Variants in TBC1D5 observed in about 807,000 individuals in gnomAD.
The protein encoded by TBC1D5 is TBC1 domain family, member 5.
TBC1D5 carries 75 observed loss-of-function variants against 100.3 expected under a neutral mutation model. That is an observed-to-expected ratio of 0.75 (90% CI 0.62 to 0.91). TBC1D5 has a LOEUF of 0.91. TBC1D5 is among the 40% of genes least tolerant of loss of function. TBC1D5 has a pLI of 0.00. For synonymous variants in TBC1D5, 323 were observed against 325.6 expected (o/e 0.99, Z 0.09); for missense variants, 910 against 942.4 (o/e 0.97, Z 0.45).
Position 17,645,507 on chromosome 3 carries a change from C to A in TBC1D5, c.-100-21594G>T, listed in dbSNP as rs538136576. ...AACTAAATCCACTATCCAGACATTA[C>A]TAGAATTGACATTTAGAGTAAAGGA... is the stretch of plus-strand genomic sequence containing the variant. On this transcript the variant is annotated intron_variant, in intron 1 of 21. Coordinates refer to ENST00000253692, the Ensembl canonical transcript of TBC1D5. Among the ~76,000 whole-genome samples, 368 of 152,220 alleles carry A rather than the reference C, an allele frequency of 2.4e-3. 2 individuals carry two copies. Among genetic ancestry groups the A allele is most frequent in the South Asian group, 3.5e-3 (17 of 4,828 alleles).
At chr3:17,398,655 C>A (rs1251609667) in intron 8 of TBC1D5, among the ~76,000 whole-genome samples, 1 of 152,056 alleles carries the variant, frequency 6.6e-6, no homozygotes, top group Non-Finnish European at 1.5e-5. Context: ...AAAGGGTTTA[C>A]TACTAGGTTT....
At chr3:17,490,607 T>C (rs1560006822) in intron 3 of TBC1D5, among the ~76,000 whole-genome samples, 1 of 151,916 alleles carries the variant, frequency 6.6e-6, no homozygotes, top group Non-Finnish European at 1.5e-5. Flanking sequence ...CTTGTTTTTT[T>C]CAACAATAAT....
intron 3 of TBC1D5, among the ~76,000 whole-genome samples, chr3:17,494,221 C>T (rs985067916): frequency 6.6e-6 from 1 of 152,144 alleles, no homozygotes; most frequent in East Asian, 1.9e-4. Context: ...GGGTCACCCC[C>T]CAACCCGGCA....
chr3:17,719,028 G>A (rs562408879), intron 1 of TBC1D5, among the ~76,000 whole-genome samples: 2 of 151,992 alleles, frequency 1.3e-5, no homozygotes, highest in South Asian at 4.2e-4. Flanking sequence ...ATCAAGTATT[G>A]AAATTTTAAA....
chr3:17,665,911 G>C (rs1217601983), intron 1 of TBC1D5, among the ~76,000 whole-genome samples: 1 of 152,124 alleles, frequency 6.6e-6, no homozygotes, highest in East Asian at 1.9e-4. Context: ...TTTTGTGTGT[G>C]TGACCCTTTA....
intron 17 of TBC1D5, among the ~76,000 whole-genome samples, chr3:17,224,233 T>C (rs2074599897): frequency 6.6e-6 from 1 of 152,268 alleles, no homozygotes; most frequent in East Asian, 1.9e-4. Flanking sequence ...GGAAAAAAGC[T>C]AGCACAGTGC....
intron 2 of TBC1D5, among the ~76,000 whole-genome samples, chr3:17,583,074 C>A (rs1399168157): frequency 1.3e-5 from 2 of 152,006 alleles, no homozygotes; most frequent in Non-Finnish European, 2.9e-5. Flanking sequence ...CACTTGAGCT[C>A]AAGAGTTCAA....
chr3:17,212,776 T>C (rs545847616), intron 18 of TBC1D5, among the ~76,000 whole-genome samples: 12 of 152,060 alleles, frequency 7.9e-5, no homozygotes, highest in Non-Finnish European at 1.2e-4. Flanking sequence ...AGAATAAAGA[T>C]AATAAAAAGC....
intron 1 of TBC1D5, among the ~76,000 whole-genome samples, chr3:17,635,180 G>A (rs2063803272): frequency 6.6e-6 from 1 of 152,154 alleles, no homozygotes; most frequent in Non-Finnish European, 1.5e-5. Flanking sequence ...AAGACTACAG[G>A]TGAAATATGT....
At chr3:17,719,493 T>C (rs1299007881) in intron 1 of TBC1D5, among the ~76,000 whole-genome samples, 2 of 152,140 alleles carry the variant, frequency 1.3e-5, no homozygotes, top group Non-Finnish European at 2.9e-5. Context: ...TTCTTAACAG[T>C]ATTACAGAAT....
exon 1 of TBC1D5, chr3:17,740,866 C>T (rs969794208): frequency 3.9e-5 from 6 of 152,154 alleles, no homozygotes; most frequent in African/African-American, 1.4e-4. Context: ...AACAGCACAC[C>T]AAGCTTCTAA....
At position 17,723,112 on chromosome 3, in the gene TBC1D5, A is replaced by G. The variant is rs529501268; in HGVS notation, c.-101+16231T>C. On this transcript the variant is annotated intron_variant, in intron 1 of 21. Transcript: ENST00000253692. ...TTATATAGTGCAACTATTATTAACTATATTATTGTCTAGGGTGACTAGACA... is the reference window on the plus strand; with the variant it reads ...TTATATAGTGCAACTATTATTAACTGTATTATTGTCTAGGGTGACTAGACA... 3.3e-5 allele frequency among the ~76,000 whole-genome samples: 5 copies of G among 152,296 alleles called. No individual in the cohort carries two copies. The South Asian group carries it at 1.0e-3, about 32-fold the overall frequency.
In TBC1D5 at chr3:17,449,791, G is replaced by A. The variant is rs915282682; in HGVS notation, c.98-21272C>T. Among the ~76,000 whole-genome samples, 7 of 152,294 alleles carry A rather than the reference G, an allele frequency of 4.6e-5. No individual in the cohort carries two copies. In the South Asian group the frequency reaches 8.3e-4, roughly 18 times the overall value. ...GGACGGAGCACCTGGGGGAAGGGGC[G>A]GCTGTGGGAGCAGCTTCAGCAGACT... On this transcript the variant is annotated intron_variant, in intron 3 of 21. Transcript: ENST00000253692.
chr3:17,722,817 C>T (rs8179983), intron 1 of TBC1D5, among the ~76,000 whole-genome samples: 86,867 of 151,964 alleles, frequency 0.57, 25,643 homozygotes, highest in East Asian at 0.99. Context: ...TTTGCTCTTC[C>T]CACTATCCTA....
intron 19 of TBC1D5, among the ~76,000 whole-genome samples, chr3:17,182,045 C>T (rs1044632892): frequency 1.3e-5 from 2 of 152,042 alleles, no homozygotes; most frequent in African/African-American, 4.8e-5. Flanking sequence ...CTTAAGAAGC[C>T]ATAATATGTT....
At chr3:17,374,360 TG>T in intron 12 of TBC1D5, 110 bp downstream of exon 12, 1 of 967,782 alleles carries the variant, frequency 1.0e-6, no homozygotes. Context: ...AATTTCATTT[TG>T]GTTACAGCAA....
At chr3:17,242,166 C>T (rs985502958) in intron 16 of TBC1D5, among the ~76,000 whole-genome samples, 8 of 152,160 alleles carry the variant, frequency 5.3e-5, no homozygotes, top group Admixed American at 3.9e-4. Context: ...CCAATGCCTT[C>T]GTAGTTTCCA....
At chr3:17,650,175 G>A (rs906873474) in intron 1 of TBC1D5, among the ~76,000 whole-genome samples, 18 of 152,226 alleles carry the variant, frequency 1.2e-4, no homozygotes, top group African/African-American at 4.1e-4. Flanking sequence ...ATAGCATTAG[G>A]AGAAATACCT....
chr3:17,364,568 T>C (rs575227779), intron 13 of TBC1D5, among the ~76,000 whole-genome samples: 2 of 150,636 alleles, frequency 1.3e-5, no homozygotes, highest in South Asian at 4.2e-4. Context: ...GTCCCTGTAA[T>C]CCTTTTACCA....
Sources: allele counts gnomAD v4.1 joint callset (sites outside exome capture counted in the v4.1 genomes callset), GRCh38; gene constraint gnomAD v4.1.1; transcripts MANE v1.5; gene names NCBI Gene and HGNC (gene_info 2026-07-23, HGNC 2026-07-21).